The following ANTXR1 variants were observed in gnomAD, a reference collection of about 807,000 sequenced individuals.
ANTXR1 encodes anthrax toxin receptor 1.
In ANTXR1, 19 loss-of-function variants were observed where a neutral mutation model predicts 78.1. That is an observed-to-expected ratio of 0.24 (90% confidence interval 0.17 to 0.36). The LOEUF is 0.36. ANTXR1 is among the 10% of genes least tolerant of loss of function. The pLI is 1.00. For synonymous variants in ANTXR1, 273 were observed against 260.5 expected (o/e 1.05, Z -0.46); for missense variants, 518 against 718.6 (o/e 0.72, Z 3.19).
intron 10 of ANTXR1, among the ~76,000 whole-genome samples, chr2:69,121,645 GAAT>G (rs1461105853): frequency 6.6e-6 from 1 of 152,126 alleles, no homozygotes; most frequent in Admixed American, 6.5e-5. Context: ...AACAAAAGCA[GAAT>G]ATTATCCTTT....
intron 1 of ANTXR1, among the ~76,000 whole-genome samples, chr2:69,020,760 G>A (rs752313555): frequency 1.4e-4 from 21 of 152,172 alleles, no homozygotes; most frequent in Non-Finnish European, 2.5e-4. Context: ...TTGTTGACAC[G>A]TTTTTCAGAC....
In ANTXR1 at chr2:69,145,252, G is replaced by C. The variant is rs1420529439; in HGVS notation, c.952-6917G>C. 9.5e-6 allele frequency: 14 copies of C among 1,468,678 alleles called. No individual in the cohort carries two copies. The South Asian group carries it at 1.3e-4, about 14-fold the overall frequency. 91.0% of individuals were successfully genotyped at this position (1,468,678 alleles called of 1,614,324 possible). A position where few individuals can be genotyped will look rare whatever the true frequency, so the allele number is the denominator to read the frequency against. ...GGGACCCTCACTTGCATGGGTCCCT[G>C]CTAGGCCCTTCTAAGGCCAGGGGAG... On this transcript the variant is annotated intron_variant, in intron 12 of 17. Transcript: ENST00000303714.
At chr2:69,134,710 G>T (rs1325721298) in intron 12 of ANTXR1, among the ~76,000 whole-genome samples, 1 of 152,122 alleles carries the variant, frequency 6.6e-6, no homozygotes, top group African/African-American at 2.4e-5. Flanking sequence ...GAGCTCTGTT[G>T]GTGATACTGG....
At position 69,095,387 on chromosome 2, in the gene ANTXR1, A is replaced by G. The variant is rs537448396; in HGVS notation, c.703+4468A>G. 1.2e-4 allele frequency among the ~76,000 whole-genome samples: 18 copies of G among 152,370 alleles called. No homozygotes were observed. The South Asian group carries it at 1.4e-3, about 12-fold the overall frequency. On this transcript the variant is annotated intron_variant, in intron 9 of 17. Coordinates refer to ENST00000303714, the MANE Select transcript of ANTXR1 (RefSeq NM_032208.3). ...ACAGTTCACTCTGGGAGATAGTCATATGTTCAAATAAATTACAAAACCACG... is the reference window on the plus strand; with the variant it reads ...ACAGTTCACTCTGGGAGATAGTCATGTGTTCAAATAAATTACAAAACCACG...
At chr2:69,223,868 T>C (rs530024197) in intron 17 of ANTXR1, among the ~76,000 whole-genome samples, 4 of 152,324 alleles carry the variant, frequency 2.6e-5, no homozygotes, top group Non-Finnish European at 5.9e-5. Flanking sequence ...TGATCTCGAA[T>C]GTAGGTGTAT....
chr2:69,244,100 A>G (rs1292784712), intron 17 of ANTXR1, among the ~76,000 whole-genome samples: 1 of 152,206 alleles, frequency 6.6e-6, no homozygotes, highest in African/African-American at 2.4e-5. Flanking sequence ...TGAGTACCAG[A>G]TGAGACTAGT....
intron 17 of ANTXR1, among the ~76,000 whole-genome samples, chr2:69,237,257 T>G (rs922270386): frequency 6.6e-6 from 1 of 152,138 alleles, no homozygotes; most frequent in Non-Finnish European, 1.5e-5. Flanking sequence ...GTCAGCAAAA[T>G]GAATCAATTA....
chr2:69,237,315 G>A (rs1675789292), intron 17 of ANTXR1, among the ~76,000 whole-genome samples: 1 of 152,200 alleles, frequency 6.6e-6, no homozygotes, highest in African/African-American at 2.4e-5. Context: ...ATAAAAGGCA[G>A]GCTATTATGA....
intron 1 of ANTXR1, among the ~76,000 whole-genome samples, chr2:69,026,314 G>C (rs1338950400): frequency 2.6e-5 from 4 of 152,186 alleles, no homozygotes; most frequent in Non-Finnish European, 5.9e-5. Context: ...GTATGTCCTT[G>C]AGTAAGCTAC....
chr2:69,073,170 C>T (rs1025760615), intron 6 of ANTXR1, 69 bp downstream of exon 6: 1 of 1,391,432 alleles, frequency 7.2e-7, no homozygotes, highest in Non-Finnish European at 1.0e-6. Context: ...AAATGGGCCA[C>T]ACTCTCTCTA....
At position 69,053,399 on chromosome 2, in the gene ANTXR1, G is replaced by A. The variant is rs184716366; in HGVS notation, c.296+8586G>A. 6.8e-4 allele frequency among the ~76,000 whole-genome samples: 103 copies of A among 151,978 alleles called. No homozygotes were observed. In the East Asian group the frequency reaches 0.019, roughly 28 times the overall value. On this transcript the variant is annotated intron_variant, in intron 3 of 17. Coordinates refer to ENST00000303714, the MANE Select transcript of ANTXR1 (RefSeq NM_032208.3). The stretch of plus-strand genomic sequence containing the variant: ...GGTCAGGTGTAGATGCTGGATTATT[G>A]TGTTAAGAACTAGTTTCCTTCACTT...
chr2:69,105,342 A>T (rs1671773996), intron 10 of ANTXR1, among the ~76,000 whole-genome samples: 1 of 152,240 alleles, frequency 6.6e-6, no homozygotes, highest in African/African-American at 2.4e-5. Context: ...TGCCTTTAGC[A>T]CAATACTAAG....
chr2:69,018,697 AGGATTAG>A (rs1422757871), intron 1 of ANTXR1, among the ~76,000 whole-genome samples: 1 of 152,172 alleles, frequency 6.6e-6, no homozygotes, highest in Non-Finnish European at 1.5e-5. Context: ...CCAAGGACCT[AGGATTAG>A]ATCACGACAG....
At chr2:69,187,581 A>ATTTTTTT (rs1401243331) in intron 16 of ANTXR1, among the ~76,000 whole-genome samples, 1 of 97,032 alleles carries the variant, frequency 1.0e-5, no homozygotes, top group African/African-American at 5.1e-5. Context: ...TTTATCATGT[A>ATTTTTTT]TTTCTTTTTT....
chr2:69,235,876 T>G (rs1229370644), intron 17 of ANTXR1, among the ~76,000 whole-genome samples: 1 of 151,986 alleles, frequency 6.6e-6, no homozygotes, highest in Non-Finnish European at 1.5e-5. Context: ...GAAAAGAGGT[T>G]TAATTGACTC....
At chr2:69,038,365 T>A (rs1669509259) in intron 1 of ANTXR1, among the ~76,000 whole-genome samples, 1 of 152,186 alleles carries the variant, frequency 6.6e-6, no homozygotes, top group Admixed American at 6.5e-5. Flanking sequence ...TCATCTCAAA[T>A]TAGCCAAAGT....
chr2:69,120,024 A>G (rs916299277), intron 10 of ANTXR1, among the ~76,000 whole-genome samples: 3 of 152,228 alleles, frequency 2.0e-5, no homozygotes, highest in Non-Finnish European at 4.4e-5. Context: ...TGATAAATCC[A>G]TCGTAAGTTG....
intron 13 of ANTXR1, among the ~76,000 whole-genome samples, chr2:69,162,080 A>G (rs1417866493): frequency 6.6e-6 from 1 of 152,148 alleles, no homozygotes; most frequent in Non-Finnish European, 1.5e-5. Flanking sequence ...AGCAAAAGAA[A>G]AACAAAAATT....
intron 13 of ANTXR1, among the ~76,000 whole-genome samples, chr2:69,152,477 T>C (rs1673423917): frequency 6.6e-6 from 1 of 152,180 alleles, no homozygotes; most frequent in South Asian, 2.1e-4. Context: ...AGATTGCCAA[T>C]GGCCGTGCCC....
Sources: allele counts gnomAD v4.1 joint callset (sites outside exome capture counted in the v4.1 genomes callset), GRCh38; gene constraint gnomAD v4.1.1; transcripts MANE v1.5; gene names NCBI Gene and HGNC (gene_info 2026-07-23, HGNC 2026-07-21).